CDC73: variants seen among roughly 807,000 people sequenced by gnomAD.
CDC73 encodes cell division cycle 73, also known as parafibromin.
A neutral mutation model predicts 83.7 loss-of-function variants in CDC73; 21 were observed. The ratio of observed to expected loss-of-function variants is 0.25; its 90% confidence interval spans 0.18 to 0.36. The LOEUF is 0.36. Ranked by LOEUF, CDC73 falls within the 10% of genes least tolerant of loss-of-function variation. The pLI is 1.00. For synonymous variants in CDC73, 224 were observed against 212.9 expected (o/e 1.05, Z -0.45); for missense variants, 342 against 653.3 (o/e 0.52, Z 5.19).
chr1:193,142,415 CCAT>C (rs973937944), intron 7 of CDC73, among the ~76,000 whole-genome samples: 13 of 152,026 alleles, frequency 8.6e-5, no homozygotes, highest in Non-Finnish European at 1.6e-4. Flanking sequence ...GTTATTAATG[CCAT>C]CATTATTTTT....
intron 15 of CDC73, among the ~76,000 whole-genome samples, chr1:193,247,771 G>C (rs191732783): frequency 6.6e-6 from 1 of 152,232 alleles, no homozygotes; most frequent in East Asian, 1.9e-4. Flanking sequence ...GCCAGAGCCT[G>C]ATCCTGAGCA....
intron 10 of CDC73, among the ~76,000 whole-genome samples, chr1:193,200,888 T>TA: frequency 6.6e-6 from 1 of 152,304 alleles, no homozygotes; most frequent in East Asian, 1.9e-4. Flanking sequence ...ACTCCACCTT[T>TA]ACTTAAAAAT....
At chr1:193,158,445 T>C (rs1470811024) in intron 10 of CDC73, among the ~76,000 whole-genome samples, 1 of 151,878 alleles carries the variant, frequency 6.6e-6, no homozygotes, top group Non-Finnish European at 1.5e-5. Context: ...GAGGGTAGCT[T>C]GAGGCCAGGA....
rs1399371006 is a variant in CDC73, at chr1:193,236,376, T to A, written c.1417+20T>A. Reference sequence around the variant, plus strand: ...CTAAAAGTAAGATTCTCTTTGTATTTACTGTATCCAGTATAGAAATGTTCT... The same window carrying A: ...CTAAAAGTAAGATTCTCTTTGTATTAACTGTATCCAGTATAGAAATGTTCT... On this transcript the variant is annotated intron_variant, in intron 15 of 16. Coordinates refer to ENST00000367435, the MANE Select transcript of CDC73 (RefSeq NM_024529.5). 6 of 1,385,310 alleles carry A rather than the reference T, an allele frequency of 4.3e-6. No homozygotes were observed. In the South Asian group the frequency reaches 6.9e-5, roughly 16 times the overall value. The allele number at this position is 1,385,310 out of a possible 1,614,324, so 85.8% of individuals were successfully genotyped here. A position where few individuals can be genotyped will look rare whatever the true frequency, so the allele number is the denominator to read the frequency against.
At chr1:193,159,114 A>AT (rs1336153123) in intron 10 of CDC73, among the ~76,000 whole-genome samples, 1 of 151,920 alleles carries the variant, frequency 6.6e-6, no homozygotes. Context: ...CCCCCTTGTG[A>AT]TTTTTTCCAA....
chr1:193,178,477 CTCTT>C (rs576815757), intron 10 of CDC73, among the ~76,000 whole-genome samples: 5 of 152,220 alleles, frequency 3.3e-5, no homozygotes, highest in South Asian at 2.1e-4. Context: ...AACTTGAGTT[CTCTT>C]TCTATGTACA....
chr1:193,239,478 A>G (rs889650372), intron 15 of CDC73, among the ~76,000 whole-genome samples: 5 of 152,304 alleles, frequency 3.3e-5, no homozygotes, highest in African/African-American at 1.2e-4. Context: ...AAGATTAAAT[A>G]CTGATTTGCA....
intron 7 of CDC73, 127 bp downstream of exon 7, chr1:193,142,193 G>T: frequency 1.3e-6 from 1 of 772,124 alleles, no homozygotes; most frequent in South Asian, 1.5e-5. Context: ...CTCTTTGAAA[G>T]CTCAGTAATA....
intron 15 of CDC73, among the ~76,000 whole-genome samples, chr1:193,242,162 T>C (rs1479080312): frequency 6.7e-6 from 1 of 149,910 alleles, no homozygotes; most frequent in Non-Finnish European, 1.5e-5. Context: ...GTAAGGACTC[T>C]TGGGCCCCAG....
intron 1 of CDC73, chr1:193,122,579 G>T: frequency 2.1e-6 from 1 of 482,170 alleles, no homozygotes; most frequent in African/African-American, 1.9e-5. Flanking sequence ...GGGAGTTTCT[G>T]ACTTTTACAG....
At chr1:193,249,903 G>A (rs1224017788) in intron 16 of CDC73, 32 bp downstream of exon 16, 2 of 1,606,284 alleles carry the variant, frequency 1.2e-6, no homozygotes, top group South Asian at 1.1e-5. Context: ...GCTTGTGTGT[G>A]TTTTATTGTA....
chr1:193,180,484 T>C (rs751884864), intron 10 of CDC73: 3 of 1,613,992 alleles, frequency 1.9e-6, no homozygotes, highest in Admixed American at 3.3e-5. Context: ...CACAAACTCA[T>C]TGGGAGGGGG....
intron 2 of CDC73, chr1:193,127,774 C>T (rs532620645): frequency 4.0e-5 from 6 of 150,632 alleles, no homozygotes; most frequent in East Asian, 2.0e-4. Flanking sequence ...TTGTTGTCTC[C>T]TAATTACTTT....
chr1:193,123,152 A>G (rs1279465320), intron 1 of CDC73, among the ~76,000 whole-genome samples: 3 of 152,004 alleles, frequency 2.0e-5, no homozygotes, highest in African/African-American at 4.8e-5. Flanking sequence ...CAACTTCCCT[A>G]CTCATTTTGT....
intron 1 of CDC73, 47 bp from the exon 2 acceptor site, chr1:193,125,065 T>C (rs773368645): frequency 2.1e-6 from 2 of 937,868 alleles, no homozygotes; most frequent in Non-Finnish European, 3.6e-6. Context: ...GCCTGAAGAG[T>C]TGAATTAGAA....
intron 13 of CDC73, among the ~76,000 whole-genome samples, chr1:193,230,362 G>A (rs1040459882): frequency 8.0e-5 from 12 of 150,640 alleles, no homozygotes; most frequent in Non-Finnish European, 1.3e-4. Context: ...TTGGCCAGAC[G>A]TCTCGAACCC....
In CDC73 at chr1:193,172,951, G is replaced by T. The variant is rs897082559; in HGVS notation, c.972+20507G>T. Among the ~76,000 whole-genome samples, 4 of 152,294 alleles carry T rather than the reference G, an allele frequency of 2.6e-5. No homozygotes were observed. In the South Asian group the frequency reaches 8.3e-4, roughly 32 times the overall value. ...TGAAATGAGTGCATGAGTGCCTTAAGATAGAGTACATAGTCAAAAAATATG... is the reference window on the plus strand; with the variant it reads ...TGAAATGAGTGCATGAGTGCCTTAATATAGAGTACATAGTCAAAAAATATG... On this transcript the variant is annotated intron_variant, in intron 10 of 16. Coordinates refer to ENST00000367435, the MANE Select transcript of CDC73 (RefSeq NM_024529.5).
At chr1:193,227,509 C>G (rs552259855) in intron 13 of CDC73, among the ~76,000 whole-genome samples, 2 of 151,954 alleles carry the variant, frequency 1.3e-5, no homozygotes, top group South Asian at 4.2e-4. Context: ...GAATGGAAAC[C>G]TGAAGTCTGT....
intron 10 of CDC73, among the ~76,000 whole-genome samples, chr1:193,163,479 C>T (rs538501695): frequency 2.0e-5 from 3 of 151,834 alleles, no homozygotes; most frequent in South Asian, 2.1e-4. Context: ...CACACTCCAG[C>T]GTGGGCAACA....
Sources: gnomAD v4.1 joint callset for allele counts (sites outside exome capture counted in the v4.1 genomes callset) on GRCh38, gnomAD v4.1.1 for gene constraint, MANE v1.5 for transcripts, NCBI Gene and HGNC (gene_info 2026-07-23, HGNC 2026-07-21) for gene names.